MARK4: variants seen among roughly 807,000 people sequenced by gnomAD.
MARK4 encodes microtubule affinity regulating kinase 4, also known as MAP/microtubule affinity-regulating kinase 4.
MARK4 carries 19 observed loss-of-function variants against 81.5 expected under a neutral mutation model. The observed-to-expected ratio is 0.23, with a 90% CI of 0.16 to 0.34. MARK4 has a LOEUF of 0.34. Ranked by LOEUF, MARK4 falls within the 10% of genes least tolerant of loss-of-function variation. The pLI, the probability that MARK4 is intolerant of heterozygous loss-of-function variation, is 1.00. For synonymous variants in MARK4, 436 were observed against 439.0 expected, an observed-to-expected ratio of 0.99 and a Z score of 0.08; for missense variants, 772 against 1,058.8, an observed-to-expected ratio of 0.73 and a Z score of 3.76.
intron 2 of MARK4, among the ~76,000 whole-genome samples, chr19:45,260,002 G>A (rs563855270): frequency 3.9e-5 from 6 of 151,904 alleles, no homozygotes; most frequent in African/African-American, 1.4e-4. Context: ...CAGGAGAATC[G>A]CTTGAACCCA....
chr19:45,287,219 AAAAG>A (rs1970754507), intron 12 of MARK4, among the ~76,000 whole-genome samples: 1 of 151,864 alleles, frequency 6.6e-6, no homozygotes. Flanking sequence ...AAAAAAAAAA[AAAAG>A]AAGGTGCAAT....
intron 7 of MARK4, among the ~76,000 whole-genome samples, chr19:45,270,200 C>T (rs1970507723): frequency 1.3e-5 from 2 of 152,114 alleles, no homozygotes; most frequent in South Asian, 2.1e-4. Context: ...CCCACAACCA[C>T]GCTTGAGGCA....
At chr19:45,280,346 G>A in intron 10 of MARK4, 28 bp from the exon 11 acceptor site, 1 of 1,595,846 alleles carries the variant, frequency 6.3e-7, no homozygotes, top group Non-Finnish European at 8.6e-7. Context: ...CTGGGAGTCT[G>A]AAACTTCTCT....
At chr19:45,263,614 C>T (rs1568491685) in intron 4 of MARK4, among the ~76,000 whole-genome samples, 1 of 151,846 alleles carries the variant, frequency 6.6e-6, no homozygotes, top group Non-Finnish European at 1.5e-5. Context: ...TGGTGGCGGG[C>T]GCCTGTAATC....
chr19:45,282,810 C>T (rs1490911528), intron 12 of MARK4, among the ~76,000 whole-genome samples: 1 of 151,662 alleles, frequency 6.6e-6, no homozygotes, highest in African/African-American at 2.4e-5. Context: ...GGCCACAGAG[C>T]GAGACTCCGC....
chr19:45,298,965 AAT>A (rs1205150012), intron 15 of MARK4, among the ~76,000 whole-genome samples: 11 of 150,078 alleles, frequency 7.3e-5, no homozygotes, highest in Non-Finnish European at 7.4e-5. Flanking sequence ...ATTCCCATGG[AAT>A]TGGGAGGCCG....
intron 1 of MARK4, among the ~76,000 whole-genome samples, chr19:45,253,887 T>C (rs928371301): frequency 6.6e-6 from 1 of 152,174 alleles, no homozygotes. Flanking sequence ...TGAGCCTTGG[T>C]TTCCTTGTCT....
chr19:45,261,643 T>C (rs1970382035), intron 2 of MARK4, among the ~76,000 whole-genome samples: 1 of 152,112 alleles, frequency 6.6e-6, no homozygotes, highest in South Asian at 2.1e-4. Context: ...AAATAAAAGT[T>C]TTACTGCAGA....
chr19:45,299,822 A>G lies in MARK4; in HGVS notation c.1889A>G (p.Glu630Gly). The G allele has an allele frequency of 6.2e-7, 1 of 1,605,538 alleles. No homozygotes were observed. The highest frequency in any genetic ancestry group is 8.5e-7 in the Non-Finnish European group (1 of 1,174,318). ...TSKLTRRVAD[E>G]PERIGGPEVT... Reference sequence around the variant, plus strand: ...CTCCCCTCCCCTAGGGTCGCAGACGAACCTGAGAGAATCGGGGGACCTGAG... The same window carrying G: ...CTCCCCTCCCCTAGGGTCGCAGACGGACCTGAGAGAATCGGGGGACCTGAG... The change falls in exon 16 of 17, where the codon GAA becomes GGA. Residue 630 changes from glutamate to glycine, a missense_variant. Glu to Gly is a moderately conservative substitution (Grantham distance 98). This residue lies in a region of MARK4 where 548 missense variants were observed against 624.3 expected (regional missense o/e 0.88). Transcript: ENST00000262891.
intron 7 of MARK4, among the ~76,000 whole-genome samples, chr19:45,268,786 GA>G (rs1970488139): frequency 6.6e-6 from 1 of 151,838 alleles, no homozygotes; most frequent in Non-Finnish European, 1.5e-5. Flanking sequence ...AAGTGCATCT[GA>G]AAAAAAGAAA....
chr19:45,257,532 C>T (rs768638018), intron 1 of MARK4, among the ~76,000 whole-genome samples: 23 of 147,870 alleles, frequency 1.6e-4, no homozygotes, highest in Non-Finnish European at 3.1e-4. Flanking sequence ...TACAGGTGCG[C>T]GTCACCATGT....
chr19:45,299,541 A>G (rs1383848133), intron 15 of MARK4, among the ~76,000 whole-genome samples: 1 of 152,056 alleles, frequency 6.6e-6, no homozygotes, highest in Admixed American at 6.5e-5. Context: ...CTCTGTGGCC[A>G]CTTATCTATG....
chr19:45,277,821 G>C (rs544344906), intron 8 of MARK4, 102 bp from the exon 9 acceptor site: 4 of 1,288,400 alleles, frequency 3.1e-6, no homozygotes, highest in Non-Finnish European at 4.1e-6. Flanking sequence ...TTGGGACAAA[G>C]GTTGTGTGTG....
Position 45,266,297 on chromosome 19 carries a change from G to T in MARK4, c.549+16G>T, listed in dbSNP as rs554966315. On this transcript the variant is annotated intron_variant, in intron 7 of 16. Transcript: ENST00000262891. ...GGACCTGAAGGTAAGCCCCCGACCC[G>T]CTGTGATCTCAGGGACCACGGCTCA... 1 of 1,613,204 alleles carries T rather than the reference G, an allele frequency of 6.2e-7. No individual in the cohort carries two copies. The highest frequency in any genetic ancestry group is 8.5e-7 in the Non-Finnish European group (1 of 1,179,356).
chr19:45,282,045 G>A (rs565590835), intron 12 of MARK4, among the ~76,000 whole-genome samples: 1 of 152,040 alleles, frequency 6.6e-6, no homozygotes, highest in South Asian at 2.1e-4. Flanking sequence ...CCAACATGGT[G>A]AAACCCTGTC....
intron 7 of MARK4, among the ~76,000 whole-genome samples, chr19:45,269,397 AAAGT>A (rs1970496502): frequency 6.6e-6 from 1 of 152,140 alleles, no homozygotes; most frequent in South Asian, 2.1e-4. Context: ...AAAATAAGAA[AAAGT>A]AAGCCCCGAG....
Position 45,287,444 on chromosome 19 carries a change from C to A in MARK4, c.1277-3C>A. The A allele has an allele frequency of 7.0e-7, 1 of 1,427,642 alleles. No homozygotes were observed. Among genetic ancestry groups the A allele is most frequent in the Non-Finnish European group, 9.2e-7 (1 of 1,083,308 alleles). The allele number at this position is 1,427,642 out of a possible 1,614,324, so 88.4% of individuals were successfully genotyped here. On this transcript the variant is annotated splice_region_variant and splice_polypyrimidine_tract_variant and intron_variant, in intron 12 of 16. Transcript: ENST00000262891. ...CAGCTCTAAACGGTACCCCCTCCCCCAGGTGGCCCATCCCCTGCACCCCTG... is the reference window on the plus strand; with the variant it reads ...CAGCTCTAAACGGTACCCCCTCCCCAAGGTGGCCCATCCCCTGCACCCCTG...
At chr19:45,259,924 T>C (rs1480841217) in intron 2 of MARK4, among the ~76,000 whole-genome samples, 6 of 151,638 alleles carry the variant, frequency 4.0e-5, no homozygotes, top group African/African-American at 9.7e-5. Context: ...CTGTCTCTAT[T>C]AAAAATACAA....
intron 1 of MARK4, 140 bp from the exon 2 acceptor site, chr19:45,258,849 A>G: frequency 1.2e-6 from 1 of 845,670 alleles, no homozygotes; most frequent in Non-Finnish European, 1.8e-6. Context: ...GAGAAAGATG[A>G]AGGATGCTTG....
Sources: allele counts gnomAD v4.1 joint callset (sites outside exome capture counted in the v4.1 genomes callset), GRCh38; gene constraint gnomAD v4.1.1; regional missense constraint gnomAD v4.1.1; transcripts MANE v1.5; gene names NCBI Gene and HGNC (gene_info 2026-07-23, HGNC 2026-07-21).